Variants in TXNDC12 observed in about 807,000 individuals in gnomAD.
TXNDC12 encodes thioredoxin domain-containing protein 12.
Under a neutral mutation model 24.2 loss-of-function variants are expected in TXNDC12, and 22 were observed. That is an observed-to-expected ratio of 0.91 (90% CI 0.65 to 1.30). TXNDC12 has a LOEUF of 1.30. Among genes scored for constraint, TXNDC12 ranks in the 50% most tolerant of loss-of-function variants. The pLI is 0.00. For synonymous variants in TXNDC12, 58 were observed against 73.4 expected (o/e 0.79, Z 1.07); for missense variants, 184 against 205.8 (o/e 0.89, Z 0.65).
chr1:52,039,865 T>C (rs939927057), intron 2 of TXNDC12, among the ~76,000 whole-genome samples: 3 of 152,230 alleles, frequency 2.0e-5, no homozygotes, highest in African/African-American at 4.8e-5. Context: ...CTTCTGCAAA[T>C]GGCAGCATGT....
chr1:52,032,928 C>G (rs1359499725), intron 2 of TXNDC12: 6 of 1,606,746 alleles, frequency 3.7e-6, no homozygotes, highest in Middle Eastern at 3.3e-4. Context: ...GTACTTGACT[C>G]GTGACCTGGT....
intron 4 of TXNDC12, chr1:52,024,798 C>A: frequency 2.0e-6 from 1 of 494,412 alleles, no homozygotes; most frequent in Non-Finnish European, 3.6e-6. Context: ...TGTCATTAAA[C>A]AAGCCAGGGA....
intron 2 of TXNDC12, chr1:52,033,793 TG>T: frequency 6.5e-7 from 1 of 1,535,218 alleles, no homozygotes; most frequent in East Asian, 2.3e-5. Flanking sequence ...GCAACCGCGC[TG>T]CGCCAACTTC....
chr1:52,031,208 G>A (rs1685748237), intron 2 of TXNDC12, among the ~76,000 whole-genome samples: 1 of 147,234 alleles, frequency 6.8e-6, no homozygotes, highest in Non-Finnish European at 1.5e-5. Flanking sequence ...CACCTAGGCT[G>A]GAGTGCAGTG....
At position 52,033,917 on chromosome 1, in the gene TXNDC12, G is replaced by C. The variant is rs150571248; in HGVS notation, c.159-5287C>G. The stretch of plus-strand genomic sequence containing the variant: ...GAAACAGGAGTTCTACGCCAGCTAG[G>C]CCCAGGTTCAGCTTTCTCAGAAAGG... On this transcript the variant is annotated intron_variant, in intron 2 of 6. Coordinates refer to ENST00000371626, the MANE Select transcript of TXNDC12 (RefSeq NM_015913.4). The C allele has an allele frequency of 2.4e-4, 342 of 1,430,814 alleles. 1 individual carries two copies. In the East Asian group the frequency reaches 6.0e-3, roughly 25 times the overall value. 88.6% of individuals were successfully genotyped at this position (1,430,814 alleles called of 1,614,324 possible). A position where few individuals can be genotyped will look rare whatever the true frequency, so the allele number is the denominator to read the frequency against.
At chr1:52,036,752 C>T (rs572769589) in intron 2 of TXNDC12, among the ~76,000 whole-genome samples, 4 of 152,298 alleles carry the variant, frequency 2.6e-5, no homozygotes, top group South Asian at 2.1e-4. Context: ...GCCTCTTCTA[C>T]GTGTTTTTCC....
intron 2 of TXNDC12, among the ~76,000 whole-genome samples, chr1:52,036,052 G>C (rs1045606524): frequency 6.6e-6 from 1 of 152,100 alleles, no homozygotes; most frequent in Admixed American, 6.6e-5. Flanking sequence ...GAGTTGATTT[G>C]CATAATTTAA....
At chr1:52,045,029 A>G (rs1040927232) in intron 1 of TXNDC12, among the ~76,000 whole-genome samples, 3 of 152,210 alleles carry the variant, frequency 2.0e-5, no homozygotes, top group Admixed American at 6.5e-5. Context: ...ACTTCTAGAA[A>G]TTAAAAATAC....
chr1:52,033,864 G>T, intron 2 of TXNDC12: 3 of 1,444,464 alleles, frequency 2.1e-6, no homozygotes, highest in South Asian at 1.5e-5. Flanking sequence ...TGTCTCCCTT[G>T]ACTTTTACAG....
intron 2 of TXNDC12, chr1:52,031,977 T>A: frequency 4.2e-6 from 1 of 235,406 alleles, no homozygotes; most frequent in Non-Finnish European, 6.9e-6. Flanking sequence ...TACTGTAGAG[T>A]AGCTCAAAAC....
At chr1:52,046,464 T>C (rs1686091307) in intron 1 of TXNDC12, among the ~76,000 whole-genome samples, 1 of 152,070 alleles carries the variant, frequency 6.6e-6, no homozygotes, top group South Asian at 2.1e-4. Flanking sequence ...ACTCTAAGGT[T>C]TTTGGCCTGG....
chr1:52,046,707 C>A (rs1442201614), intron 1 of TXNDC12, among the ~76,000 whole-genome samples: 1 of 151,512 alleles, frequency 6.6e-6, no homozygotes, highest in Non-Finnish European at 1.5e-5. Flanking sequence ...CATGGTGAAA[C>A]CCCATCTCTA....
chr1:52,041,738 C>T (rs1685996152), intron 1 of TXNDC12, 141 bp from the exon 2 acceptor site: 3 of 550,986 alleles, frequency 5.4e-6, no homozygotes, highest in Middle Eastern at 3.3e-4. Flanking sequence ...AGCTCCACCA[C>T]CTTCTAGGTG....
intron 1 of TXNDC12, among the ~76,000 whole-genome samples, chr1:52,047,455 T>C (rs1339941409): frequency 1.3e-5 from 2 of 152,018 alleles, no homozygotes; most frequent in South Asian, 4.1e-4. Flanking sequence ...ATAAAAAGGA[T>C]AGCTAAAGGA....
intron 1 of TXNDC12, among the ~76,000 whole-genome samples, chr1:52,050,543 G>C (rs1425458957): frequency 1.3e-5 from 2 of 152,124 alleles, no homozygotes; most frequent in African/African-American, 4.8e-5. Context: ...CATCTGAAAA[G>C]TATTATCCAC....
chr1:52,043,530 A>G (rs961307610), intron 1 of TXNDC12, among the ~76,000 whole-genome samples: 13 of 152,334 alleles, frequency 8.5e-5, no homozygotes, highest in Admixed American at 6.5e-4. Context: ...TTAATAACCC[A>G]GTTTTACTTA....
intron 5 of TXNDC12, 139 bp downstream of exon 5, chr1:52,024,371 C>T: frequency 3.1e-6 from 2 of 648,906 alleles, no homozygotes; most frequent in Non-Finnish European, 5.4e-6. Flanking sequence ...GCATTCAGAA[C>T]TCCCCCACTC....
chr1:52,053,916 G>A (rs748184706), intron 1 of TXNDC12, among the ~76,000 whole-genome samples: 44 of 152,232 alleles, frequency 2.9e-4, no homozygotes, highest in Middle Eastern at 3.4e-3. Flanking sequence ...CTTGTTCCTA[G>A]TTGAAACTGT....
chr1:52,033,375 G>A (rs746601330), intron 2 of TXNDC12: 12 of 1,613,590 alleles, frequency 7.4e-6, no homozygotes, highest in Non-Finnish European at 9.3e-6. Flanking sequence ...TCACACTGAC[G>A]TTCCGGCCAG....
Sources: gnomAD v4.1 joint callset for allele counts (sites outside exome capture counted in the v4.1 genomes callset) on GRCh38, gnomAD v4.1.1 for gene constraint, MANE v1.5 for transcripts, NCBI Gene and HGNC (gene_info 2026-07-23, HGNC 2026-07-21) for gene names.